PLAT: variants seen among roughly 807,000 people sequenced by gnomAD.
The protein encoded by PLAT is plasminogen activator, tissue type, also known as tissue-type plasminogen activator.
A neutral mutation model predicts 74.9 loss-of-function variants in PLAT; 48 were observed. That is an observed-to-expected ratio of 0.64 (90% CI 0.51 to 0.82). The LOEUF (loss-of-function observed/expected upper bound fraction) is 0.82, where lower values mean the gene tolerates loss of function less well. Among genes scored for constraint, PLAT ranks in the 40% least tolerant of loss-of-function variants. PLAT has a pLI of 0.00. For synonymous variants in PLAT, 307 were observed against 294.4 expected, an observed-to-expected ratio of 1.04 and a Z score of -0.44; for missense variants, 673 against 736.2, an observed-to-expected ratio of 0.91 and a Z score of 0.99.
chr8:42,203,107 C>G (rs536366987), intron 1 of PLAT, among the ~76,000 whole-genome samples: 116 of 152,214 alleles, frequency 7.6e-4, no homozygotes, highest in African/African-American at 2.3e-3. Context: ...CATGGATTCT[C>G]TAATGCCTAG....
At chr8:42,196,243 G>A (rs979764743) in intron 1 of PLAT, among the ~76,000 whole-genome samples, 3 of 152,146 alleles carry the variant, frequency 2.0e-5, no homozygotes, top group African/African-American at 4.8e-5. Context: ...GCAACTGAAC[G>A]GTCTGAATAA....
intron 1 of PLAT, among the ~76,000 whole-genome samples, chr8:42,195,181 G>GC (rs1805859007): frequency 6.7e-6 from 1 of 150,256 alleles, no homozygotes; most frequent in Non-Finnish European, 1.5e-5. Flanking sequence ...TTGCCTCCCT[G>GC]CCTGGGTCCG....
chr8:42,180,215 C>G, intron 11 of PLAT, 27 bp downstream of exon 11: 9 of 1,613,596 alleles, frequency 5.6e-6, no homozygotes, highest in Non-Finnish European at 7.6e-6. Flanking sequence ...TCTGTATGAA[C>G]TGGAGCCGGG....
chr8:42,185,107 A>G lies in PLAT; in HGVS notation c.605T>C (p.Phe202Ser). The G allele has an allele frequency of 2.5e-6, 4 of 1,611,130 alleles. No individual in the cohort carries two copies. Among genetic ancestry groups the G allele is most frequent in the Non-Finnish European group, 3.4e-6 (4 of 1,178,794 alleles). Residue 202 changes from phenylalanine to serine, a missense_variant, in exon 7 of 14, where the codon TTC (phenylalanine) becomes TCC (serine). Physicochemically the swap from Phe to Ser is radical, Grantham distance 155 (BLOSUM62 -2). Transcript: ENST00000220809. ...VFKAGKYSSE[F>S]CSTPACSEGN... ...CTCAGAGCAGGCAGGGGTGCTGCAG[A>G]ACTCTGAGCTGTACTTCCCCGCCTT...
At position 42,179,879 on chromosome 8, in the gene PLAT, C is replaced by T. The variant is rs372272119; in HGVS notation, c.1363+47G>A. ...TTTCCTCTGGTGGACCGCAGCCTCC[C>T]CTGCTGTCCCGCAGACAGGATGGGG... On this transcript the variant is annotated intron_variant, in intron 12 of 13. Transcript: ENST00000220809. The T allele has an allele frequency of 1.9e-5, 28 of 1,502,616 alleles. No individual in the cohort carries two copies. The Middle Eastern group carries it at 5.3e-4, about 29-fold the overall frequency. 93.1% of individuals were successfully genotyped at this position (1,502,616 alleles called of 1,614,324 possible).
At chr8:42,176,460 A>C (rs2129680281) in intron 13 of PLAT, among the ~76,000 whole-genome samples, 1 of 152,320 alleles carries the variant, frequency 6.6e-6, no homozygotes, top group East Asian at 1.9e-4. Flanking sequence ...GTGGCTCTGC[A>C]ATAGGATGGT....
chr8:42,202,362 G>A (rs901356917), intron 1 of PLAT, among the ~76,000 whole-genome samples: 4 of 151,934 alleles, frequency 2.6e-5, no homozygotes, highest in East Asian at 1.9e-4. Flanking sequence ...CTGGGTTATC[G>A]GGTTTAGCAT....
chr8:42,180,486 C>T lies in PLAT; in HGVS notation c.1085+4G>A, dbSNP rs1441383459. On this transcript the variant is annotated splice_donor_region_variant and intron_variant, in intron 10 of 13. Transcript: ENST00000220809. ...AAAAACCAACTGGGTTTCCGAGCCC[C>T]TACCTCTCCTGGAAGCAGTGGGCGG... 2 of 1,613,874 alleles carry T rather than the reference C, an allele frequency of 1.2e-6. No individual in the cohort carries two copies. The highest frequency in any genetic ancestry group is 1.7e-6 in the Non-Finnish European group (2 of 1,180,038).
In PLAT at chr8:42,193,223, G is replaced by A. The variant is rs1438521310; in HGVS notation, c.-26-12C>T. 4 of 1,558,418 alleles carry A rather than the reference G, an allele frequency of 2.6e-6. No individual in the cohort carries two copies. The highest frequency in any genetic ancestry group is 2.7e-6 in the Non-Finnish European group (3 of 1,130,086). ...GCGTCCCTTAAATTCTGGAAGGAGA[G>A]AAAAAACAGCTTGATCACGGGGTGC... On this transcript the variant is annotated splice_polypyrimidine_tract_variant and intron_variant, in intron 1 of 13. Coordinates refer to ENST00000220809, the MANE Select transcript of PLAT (RefSeq NM_000930.5).
rs8178781 is a variant in PLAT, at chr8:42,180,297, G to C, written c.1167C>G (p.Val389=). 7.3e-4 allele frequency: 1,177 copies of C among 1,614,140 alleles called. 15 individuals are homozygous for C. In the African/African-American group the frequency reaches 0.014, roughly 19 times the overall value. Residue 389 remains valine (V), a synonymous_variant, in exon 11 of 14, where the codon GTC becomes GTG. Coordinates refer to ENST00000220809, the MANE Select transcript of PLAT (RefSeq NM_000930.5). ...ATTCCTTATGGACAATGTATTTTTCGACTTCAAATTTCTGCTCCTCCTCGC... is the reference window on the plus strand; with the variant it reads ...ATTCCTTATGGACAATGTATTTTTCCACTTCAAATTTCTGCTCCTCCTCGC... ...VPGEEEQKFE[V]EKYIVHKEFD...
chr8:42,198,247 T>C (rs8178706), intron 1 of PLAT, among the ~76,000 whole-genome samples: 7 of 152,328 alleles, frequency 4.6e-5, no homozygotes, highest in African/African-American at 1.7e-4. Context: ...CCCAGCACTT[T>C]GGGAGGCCAA....
intron 1 of PLAT, among the ~76,000 whole-genome samples, chr8:42,205,480 C>T (rs1260669543): frequency 6.6e-6 from 1 of 152,094 alleles, no homozygotes; most frequent in Non-Finnish European, 1.5e-5. Flanking sequence ...TAGCCGGGAT[C>T]ATGCCATTGC....
chr8:42,179,975 C>A lies in PLAT; in HGVS notation c.1314G>T (p.Leu438=), dbSNP rs1427887957. ...TVCLPPADLQ[L]PDWTECELSG... ...AGAGCTCACACTCCGTCCAGTCCGGCAGCTGCAGGTCCGCCGGGGGAAGGC... is the reference window on the plus strand; with the variant it reads ...AGAGCTCACACTCCGTCCAGTCCGGAAGCTGCAGGTCCGCCGGGGGAAGGC... The change falls in exon 12 of 14, where the codon CTG becomes CTT. Residue 438 remains leucine (L), a synonymous_variant. Coordinates refer to ENST00000220809, the MANE Select transcript of PLAT (RefSeq NM_000930.5). 1.9e-6 allele frequency: 3 copies of A among 1,607,668 alleles called. No individual in the cohort carries two copies. In the South Asian group the frequency reaches 3.3e-5, roughly 18 times the overall value.
At position 42,179,031 on chromosome 8, in the gene PLAT, C is replaced by T. The variant is rs1436665928; in HGVS notation, c.1396G>A (p.Ala466Thr). Residue 466 changes from alanine to threonine, a missense_variant, in exon 13 of 14, where the codon GCT (alanine) becomes ACT (threonine). Transcript: ENST00000220809. ...CTGGATGGGTACAGTCTGACATGAG[C>T]CTCCTTCAGCCGCTCCGAATAGAAA... ...SPFYSERLKE[A>T]HVRLYPSSRC... The T allele has an allele frequency of 6.2e-7, 1 of 1,613,084 alleles. No individual in the cohort carries two copies. The highest frequency in any genetic ancestry group is 1.7e-5 in the Admixed American group (1 of 60,010).
rs1805533172 is a variant in PLAT, at chr8:42,187,568, G to T, written c.369C>A (p.Thr123=). The change falls in exon 6 of 14, where the codon ACC becomes ACA. Residue 123 remains threonine (T), a synonymous_variant. Transcript: ENST00000220809. The part of the protein sequence containing the change: ...GFAGKCCEID[T]RATCYEDQGI... ...CCTGGTCCTCGTAGCACGTGGCCCT[G>T]GTATCTGACAGAGAGCAGGGCATGG... The T allele has an allele frequency of 6.3e-7, 1 of 1,593,016 alleles. No homozygotes were observed.
chr8:42,189,116 T>A, intron 3 of PLAT, 45 bp from the exon 4 acceptor site: 1 of 1,596,662 alleles, frequency 6.3e-7, no homozygotes. Context: ...TGACTCAAAA[T>A]GAAATGCCTC....
Position 42,180,346 on chromosome 8 carries a change from C to G in PLAT, c.1118G>C (p.Gly373Ala), listed in dbSNP as rs116381625. The G allele has an allele frequency of 1.8e-5, 29 of 1,614,124 alleles. No homozygotes were observed. In the African/African-American group the frequency reaches 3.3e-4, roughly 19 times the overall value. ...FPPHHLTVIL[G>A]RTYRVVPGEE... Reference sequence around the variant, plus strand: ...GCCAGGGACCACCCGGTATGTTCTGCCCAAGATCACCGTCAGGTGGTGGGG... The same window carrying G: ...GCCAGGGACCACCCGGTATGTTCTGGCCAAGATCACCGTCAGGTGGTGGGG... The change falls in exon 11 of 14, where the codon GGC becomes GCC. Residue 373 changes from glycine (G) to alanine (A), a missense_variant. Gly to Ala is a moderately conservative substitution (Grantham distance 60). Transcript: ENST00000220809.
chr8:42,177,056 T>A (rs189634704), intron 13 of PLAT, among the ~76,000 whole-genome samples: 49 of 152,304 alleles, frequency 3.2e-4, no homozygotes, highest in Middle Eastern at 3.4e-3. Flanking sequence ...CTCAGCTCAC[T>A]GCACCCTCCA....
intron 1 of PLAT, among the ~76,000 whole-genome samples, chr8:42,194,486 T>C (rs919122627): frequency 6.6e-6 from 1 of 152,164 alleles, no homozygotes; most frequent in Non-Finnish European, 1.5e-5. Context: ...TGCTGGGAGA[T>C]AATTTTGCCC....
Sources: gnomAD v4.1 joint callset for allele counts (sites outside exome capture counted in the v4.1 genomes callset) on GRCh38, gnomAD v4.1.1 for gene constraint, MANE v1.5 for transcripts, NCBI Gene and HGNC (gene_info 2026-07-23, HGNC 2026-07-21) for gene names.